Variants in B3GALT1 observed in about 807,000 individuals in gnomAD.
B3GALT1 encodes beta-1,3-galactosyltransferase 1, also known as UDP-Gal:betaGlcNAc beta 1,3-galactosyltransferase, polypeptide 1.
A neutral mutation model predicts 23.2 loss-of-function variants in B3GALT1; 10 were observed. That is an observed-to-expected ratio of 0.43 (90% CI 0.27 to 0.73). The LOEUF (loss-of-function observed/expected upper bound fraction) is 0.73. Among genes scored for constraint, B3GALT1 ranks in the 30% least tolerant of loss-of-function variants. The pLI is 0.21. For missense variants in B3GALT1, 299 were observed against 405.4 expected, an observed-to-expected ratio of 0.74 and a Z score of 2.25; for synonymous variants, 156 against 141.5, an observed-to-expected ratio of 1.10 and a Z score of -0.73.
chr2:167,753,289 G>A (rs746488582), intron 3 of B3GALT1, among the ~76,000 whole-genome samples: 3 of 152,178 alleles, frequency 2.0e-5, no homozygotes, highest in Non-Finnish European at 2.9e-5. Context: ...GCCCCTTAGC[G>A]GAAACTGTGA....
rs181477704 is a variant in B3GALT1, at chr2:167,515,485, C to T, written c.-410+25208C>T. 5.5e-4 allele frequency among the ~76,000 whole-genome samples: 84 copies of T among 152,214 alleles called. 1 individual carries two copies. Among genetic ancestry groups the T allele is most frequent in the African/African-American group, 1.9e-3 (79 of 41,550 alleles). On this transcript the variant is annotated intron_variant, in intron 2 of 4. Transcript: ENST00000392690. ...CACAGTCCTACTGATTAAGCATCAACTGATAAACCATAAAATTATAGGGAA... is the reference window on the plus strand; with the variant it reads ...CACAGTCCTACTGATTAAGCATCAATTGATAAACCATAAAATTATAGGGAA...
chr2:167,624,125 A>C (rs1271727600), intron 2 of B3GALT1, among the ~76,000 whole-genome samples: 1 of 152,090 alleles, frequency 6.6e-6, no homozygotes, highest in Non-Finnish European at 1.5e-5. Context: ...CAATGGCCAG[A>C]GTATTTTCCA....
In B3GALT1 at chr2:167,605,128, G is replaced by A. The variant is rs574812859; in HGVS notation, c.-409-41781G>A. Among the ~76,000 whole-genome samples the A allele has an allele frequency of 2.6e-5, 4 of 152,282 alleles. No homozygotes were observed. In the South Asian group the frequency reaches 8.3e-4, roughly 32 times the overall value. ...ATACCCCAATGCTTTGGCACTGGAT[G>A]GCAGTGTGGGACATACTGTCCCTAA... is the stretch of plus-strand genomic sequence containing the variant. On this transcript the variant is annotated intron_variant, in intron 2 of 4. Transcript: ENST00000392690.
chr2:167,618,401 T>A (rs1221784011), intron 2 of B3GALT1, among the ~76,000 whole-genome samples: 1 of 152,050 alleles, frequency 6.6e-6, no homozygotes. Context: ...TAGATATGTG[T>A]ATGTATAAAT....
At chr2:167,366,068 T>C (rs1318456711) in intron 1 of B3GALT1, among the ~76,000 whole-genome samples, 1 of 152,216 alleles carries the variant, frequency 6.6e-6, no homozygotes, top group Non-Finnish European at 1.5e-5. Flanking sequence ...AAAGATGCAC[T>C]GTAAAGTTTG....
At chr2:167,702,372 A>C (rs1686894571) in intron 3 of B3GALT1, among the ~76,000 whole-genome samples, 1 of 152,244 alleles carries the variant, frequency 6.6e-6, no homozygotes, top group South Asian at 2.1e-4. Context: ...ATGAAGCAAT[A>C]TTCTTCCATC....
intron 1 of B3GALT1, among the ~76,000 whole-genome samples, chr2:167,463,854 G>A (rs1043123578): frequency 2.0e-5 from 3 of 152,132 alleles, no homozygotes; most frequent in Non-Finnish European, 4.4e-5. Context: ...GTAATTCATT[G>A]AAATTTTACT....
chr2:167,808,382 A>G (rs1688806946), intron 3 of B3GALT1, among the ~76,000 whole-genome samples: 1 of 151,556 alleles, frequency 6.6e-6, no homozygotes. Flanking sequence ...TAGTTGATGC[A>G]GTTTCTTCCT....
At chr2:167,600,502 AACCTGT>A (rs757744350) in intron 2 of B3GALT1, among the ~76,000 whole-genome samples, 30 of 152,156 alleles carry the variant, frequency 2.0e-4, no homozygotes, top group Non-Finnish European at 3.7e-4. Context: ...TCAAAAAAGA[AACCTGT>A]ACCCTTTGGT....
intron 1 of B3GALT1, among the ~76,000 whole-genome samples, chr2:167,459,093 T>C (rs1037100725): frequency 2.6e-5 from 4 of 152,176 alleles, no homozygotes; most frequent in Non-Finnish European, 5.9e-5. Flanking sequence ...TTGACTGATA[T>C]TATTTCATTT....
rs141418989 is a variant in B3GALT1, at chr2:167,399,907, A to C, written c.-510-90270A>C. On this transcript the variant is annotated intron_variant, in intron 1 of 4. Transcript: ENST00000392690. ...AGGAGGAATTAAAGACTAAAAAAGT[A>C]AAAGTCTGATAGTTGCATGCCAGAA... Among the ~76,000 whole-genome samples the C allele has an allele frequency of 5.1e-3, 778 of 152,292 alleles. 8 individuals are homozygous for C. The highest frequency in any genetic ancestry group is 0.018 in the African/African-American group (744 of 41,566).
intron 1 of B3GALT1, among the ~76,000 whole-genome samples, chr2:167,404,119 A>G (rs1049597267): frequency 2.0e-5 from 3 of 152,032 alleles, no homozygotes; most frequent in Admixed American, 6.6e-5. Context: ...GCTTCCACTC[A>G]TGGTGGAAGG....
intron 3 of B3GALT1, among the ~76,000 whole-genome samples, chr2:167,812,592 C>A (rs1293648130): frequency 6.6e-6 from 1 of 152,140 alleles, no homozygotes; most frequent in Non-Finnish European, 1.5e-5. Context: ...TCATGGTATA[C>A]CAGATATTTG....
intron 1 of B3GALT1, among the ~76,000 whole-genome samples, chr2:167,489,515 C>G (rs1018073864): frequency 1.3e-5 from 2 of 152,304 alleles, no homozygotes; most frequent in East Asian, 1.9e-4. Context: ...CTGTGATCAA[C>G]TGCCAAAGCC....
At chr2:167,349,305 A>G (rs1268292995) in intron 1 of B3GALT1, among the ~76,000 whole-genome samples, 1 of 152,102 alleles carries the variant, frequency 6.6e-6, no homozygotes, top group Non-Finnish European at 1.5e-5. Context: ...CACACTGTTG[A>G]CACTTCCCAC....
intron 4 of B3GALT1, among the ~76,000 whole-genome samples, chr2:167,857,163 A>T (rs1474566654): frequency 6.6e-6 from 1 of 152,044 alleles, no homozygotes; most frequent in African/African-American, 2.4e-5. Flanking sequence ...TGATTATGAG[A>T]CCTTAACCCC....
chr2:167,490,769 C>CACTGT (rs2105341850), intron 2 of B3GALT1, among the ~76,000 whole-genome samples: 1 of 152,300 alleles, frequency 6.6e-6, no homozygotes, highest in Non-Finnish European at 1.5e-5. Context: ...GAAAGCCCTA[C>CACTGT]AGTGTCTGCT....
chr2:167,426,988 A>AGTT, intron 1 of B3GALT1, among the ~76,000 whole-genome samples: 1 of 152,240 alleles, frequency 6.6e-6, no homozygotes, highest in Non-Finnish European at 1.5e-5. Context: ...AAAATGGATA[A>AGTT]GTTGTGGTAT....
At chr2:167,501,003 A>G (rs1699841136) in intron 2 of B3GALT1, among the ~76,000 whole-genome samples, 1 of 152,138 alleles carries the variant, frequency 6.6e-6, no homozygotes, top group African/African-American at 2.4e-5. Context: ...TTGCTGTTAA[A>G]TTCCTAGAGT....
Sources: allele counts gnomAD v4.1 joint callset (sites outside exome capture counted in the v4.1 genomes callset), GRCh38; gene constraint gnomAD v4.1.1; transcripts MANE v1.5; gene names NCBI Gene and HGNC (gene_info 2026-07-23, HGNC 2026-07-21).